Variants in DOCK1 observed in about 807,000 individuals in gnomAD.
The protein encoded by DOCK1 is dedicator of cytokinesis protein 1.
DOCK1 carries 138 observed loss-of-function variants against 262.7 expected under a neutral mutation model. The ratio of observed to expected loss-of-function variants is 0.53; its 90% CI spans 0.46 to 0.61. DOCK1 has a LOEUF of 0.61. DOCK1 is among the 20% of genes least tolerant of loss of function. DOCK1 has a pLI of 0.00. For missense variants in DOCK1, 1,908 were observed against 2,370.7 expected (o/e 0.80, Z 4.05); for synonymous variants, 866 against 867.4 (o/e 1.00, Z 0.03).
chr10:127,126,692 G>T (rs895463222), intron 26 of DOCK1, among the ~76,000 whole-genome samples: 1 of 152,166 alleles, frequency 6.6e-6, no homozygotes, highest in Admixed American at 6.5e-5. Context: ...GATCTTCCAG[G>T]TGTGCCTGGA....
intron 37 of DOCK1, among the ~76,000 whole-genome samples, chr10:127,384,205 C>G (rs1325200323): frequency 1.3e-5 from 2 of 152,196 alleles, no homozygotes; most frequent in Non-Finnish European, 2.9e-5. Context: ...GCCTTGCCTT[C>G]CCTCTGGCAT....
At chr10:127,184,586 A>G (rs2056054150) in intron 27 of DOCK1, among the ~76,000 whole-genome samples, 1 of 149,980 alleles carries the variant, frequency 6.7e-6, no homozygotes, top group African/African-American at 2.5e-5. Context: ...TAGCACTTCC[A>G]AAGAGTCTCT....
intron 10 of DOCK1, among the ~76,000 whole-genome samples, chr10:127,003,034 GAACCTGTGTGAACCTCTATA>G (rs1159979548): frequency 6.6e-6 from 1 of 152,260 alleles, no homozygotes; most frequent in African/African-American, 2.4e-5. Context: ...GAACCTGCAT[GAACCTGTGTGAACCTCTATA>G]AACCTGTGTG....
intron 23 of DOCK1, among the ~76,000 whole-genome samples, chr10:127,101,362 A>G (rs2048236045): frequency 6.6e-6 from 1 of 152,032 alleles, no homozygotes; most frequent in Non-Finnish European, 1.5e-5. Context: ...GCCTCTCCTC[A>G]TGTTTCTTCT....
intron 38 of DOCK1, among the ~76,000 whole-genome samples, chr10:127,386,833 G>A (rs951109655): frequency 6.6e-6 from 1 of 152,194 alleles, no homozygotes; most frequent in Non-Finnish European, 1.5e-5. Flanking sequence ...AAAGGTTGGG[G>A]ACCGCTGCTG....
At chr10:127,088,099 G>C (rs2047304921) in intron 23 of DOCK1, among the ~76,000 whole-genome samples, 1 of 152,208 alleles carries the variant, frequency 6.6e-6, no homozygotes, top group African/African-American at 2.4e-5. Flanking sequence ...AATTATAAAT[G>C]TAATTTTATT....
rs550166092 is a variant in DOCK1 at position 127,012,890 on chromosome 10, G to C, written c.1201+516G>C. ...AATCAGTCACCTCGGGCTGGTGACA[G>C]TTGGCACTTGGCTGGCCAGGAGGGC... On this transcript the variant is annotated intron_variant, in intron 12 of 51. Coordinates refer to ENST00000623213, the MANE Select transcript of DOCK1 (RefSeq NM_001290223.2). This position sits in a 1 kb window ranked among gnomAD's most constrained non-coding sequence, Gnocchi z 4.0. Among the ~76,000 whole-genome samples the C allele has an allele frequency of 6.6e-6, 1 of 152,328 alleles. No homozygotes were observed. Among genetic ancestry groups the C allele is most frequent in the African/African-American group, 2.4e-5 (1 of 41,566 alleles).
At chr10:127,113,763 C>T (rs1261150703) in intron 25 of DOCK1, among the ~76,000 whole-genome samples, 2 of 152,162 alleles carry the variant, frequency 1.3e-5, no homozygotes, top group African/African-American at 2.4e-5. Context: ...TGAATGAGGA[C>T]ACCAGGCCTG....
intron 27 of DOCK1, among the ~76,000 whole-genome samples, chr10:127,173,624 T>C (rs1353325832): frequency 1.3e-5 from 2 of 152,164 alleles, no homozygotes; most frequent in Non-Finnish European, 2.9e-5. Flanking sequence ...TCTTTCTCTT[T>C]TGCTGTCTGG....
chr10:127,221,053 G>T (rs540679009), intron 27 of DOCK1, among the ~76,000 whole-genome samples: 5 of 152,142 alleles, frequency 3.3e-5, no homozygotes, highest in Non-Finnish European at 7.3e-5. Context: ...GGTACCATTG[G>T]TCCATGTTTA....
intron 22 of DOCK1, among the ~76,000 whole-genome samples, chr10:127,053,476 T>C (rs1353694949): frequency 1.3e-5 from 2 of 152,262 alleles, no homozygotes; most frequent in Non-Finnish European, 2.9e-5. Flanking sequence ...GAACTCTTCC[T>C]ACATAGGGTA....
intron 2 of DOCK1, 149 bp downstream of exon 2, chr10:126,970,934 G>A (rs1591488301): frequency 2.5e-6 from 2 of 812,658 alleles, no homozygotes; most frequent in Admixed American, 5.9e-5. Context: ...GATGGATACT[G>A]TTTCAGGTAA....
At position 127,000,306 on chromosome 10, in the gene DOCK1, T is replaced by C. The variant is rs2135147038; in HGVS notation, c.984T>C (p.Ala328=). 1 of 1,613,692 alleles carries C rather than the reference T, an allele frequency of 6.2e-7. No homozygotes were observed. The highest frequency in any genetic ancestry group is 1.7e-4 in the Middle Eastern group (1 of 6,060). The change falls in exon 10 of 52, where the codon GCT becomes GCC. Residue 328 remains alanine (A), a splice_region_variant and synonymous_variant. Transcript: ENST00000623213. The stretch of plus-strand genomic sequence containing the variant: ...GGTTGCGGCGACCTTTTGGAGTGGC[T>C]GGTAATCTATTTCTCTGTGTTTCCT... ...TSGLRRPFGV[A]VMDVTDIING... is the part of the protein sequence containing the mutation.
chr10:127,391,002 C>T (rs1590848718), intron 38 of DOCK1, among the ~76,000 whole-genome samples: 2 of 152,164 alleles, frequency 1.3e-5, no homozygotes, highest in Admixed American at 6.5e-5. Flanking sequence ...CGCCCACATG[C>T]GGCTGGGAAG....
chr10:127,108,740 A>G (rs1457916095), intron 24 of DOCK1, among the ~76,000 whole-genome samples: 1 of 152,224 alleles, frequency 6.6e-6, no homozygotes, highest in African/African-American at 2.4e-5. Context: ...AAGCAGCAAC[A>G]ATAGACGCAG....
intron 19 of DOCK1, among the ~76,000 whole-genome samples, chr10:127,040,481 T>G (rs1413685937): frequency 6.6e-6 from 1 of 152,196 alleles, no homozygotes; most frequent in African/African-American, 2.4e-5. Flanking sequence ...ATGAGGCTCA[T>G]GCTGGGCATG....
chr10:126,925,724 C>CTGTGTGTGTG (rs71032531), intron 1 of DOCK1, among the ~76,000 whole-genome samples: 56 of 141,320 alleles, frequency 4.0e-4, no homozygotes, highest in Admixed American at 6.3e-4. Context: ...ATTGCAGAGT[C>CTGTGTGTGTG]TGTGTGTGTG....
chr10:126,951,278 T>C (rs922329207), intron 1 of DOCK1, among the ~76,000 whole-genome samples: 1 of 149,448 alleles, frequency 6.7e-6, no homozygotes, highest in Admixed American at 6.6e-5. Context: ...GGTAGTATTG[T>C]TGGTAGTATT....
intron 29 of DOCK1, among the ~76,000 whole-genome samples, chr10:127,304,451 C>G (rs2061802625): frequency 6.6e-6 from 1 of 152,080 alleles, no homozygotes; most frequent in South Asian, 2.1e-4. Context: ...TTTCTTTTGT[C>G]CACTTGTGAC....
Sources: gnomAD v4.1 joint callset for allele counts (sites outside exome capture counted in the v4.1 genomes callset) on GRCh38, gnomAD v4.1.1 for gene constraint, Gnocchi (gnomAD v3.1) non-coding constraint, MANE v1.5 for transcripts, NCBI Gene and HGNC (gene_info 2026-07-23, HGNC 2026-07-21) for gene names.